Variants in PALM2AKAP2 observed in about 807,000 individuals in gnomAD.
The protein encoded by PALM2AKAP2 is PALM2 and AKAP2 fusion.
Under a neutral mutation model 71.5 loss-of-function variants are expected in PALM2AKAP2, and 37 were observed. The ratio of observed to expected loss-of-function variants is 0.52; its 90% CI spans 0.40 to 0.68. The LOEUF (loss-of-function observed/expected upper bound fraction) is 0.68. PALM2AKAP2 is among the 30% of genes least tolerant of loss of function. The pLI is 0.00. For synonymous variants in PALM2AKAP2, 468 were observed against 478.8 expected, an observed-to-expected ratio of 0.98 and a Z score of 0.29; for missense variants, 1,224 against 1,191.8, an observed-to-expected ratio of 1.03 and a Z score of -0.40.
chr9:109,681,223 A>G (rs1217554935), intron 1 of PALM2AKAP2, among the ~76,000 whole-genome samples: 1 of 152,216 alleles, frequency 6.6e-6, no homozygotes, highest in Non-Finnish European at 1.5e-5. Flanking sequence ...TTGAGGACAC[A>G]TTAACTGCCC....
At chr9:110,070,033 C>T (rs560930057) in intron 1 of PALM2AKAP2, among the ~76,000 whole-genome samples, 2 of 152,250 alleles carry the variant, frequency 1.3e-5, no homozygotes, top group Admixed American at 6.5e-5. Flanking sequence ...AGAGGGTTGG[C>T]GGCCATCCCC....
intron 6 of PALM2AKAP2, among the ~76,000 whole-genome samples, chr9:109,954,565 G>A (rs1411764862): frequency 3.4e-5 from 5 of 148,824 alleles, no homozygotes; most frequent in East Asian, 2.0e-4. Flanking sequence ...GCTAGATGAC[G>A]CGTTAGTGGG....
intron 1 of PALM2AKAP2, among the ~76,000 whole-genome samples, chr9:109,692,607 C>T (rs1827914918): frequency 6.6e-6 from 1 of 151,728 alleles, no homozygotes; most frequent in Admixed American, 6.6e-5. Flanking sequence ...TTGTAGTTTC[C>T]TTCAACTCTT....
intron 1 of PALM2AKAP2, among the ~76,000 whole-genome samples, chr9:109,656,025 A>G (rs1190812183): frequency 6.6e-6 from 1 of 152,264 alleles, no homozygotes; most frequent in Non-Finnish European, 1.5e-5. Flanking sequence ...AATGGACAGC[A>G]TCCCAGCCCT....
intron 1 of PALM2AKAP2, among the ~76,000 whole-genome samples, chr9:109,831,835 G>A (rs189914471): frequency 6.6e-6 from 1 of 150,602 alleles, no homozygotes; most frequent in Non-Finnish European, 1.5e-5. Context: ...CTTTTTTTTT[G>A]TTTATTTTGC....
intron 1 of PALM2AKAP2, among the ~76,000 whole-genome samples, chr9:109,763,254 G>A (rs1426279793): frequency 2.0e-5 from 3 of 152,080 alleles, no homozygotes; most frequent in Non-Finnish European, 4.4e-5. Context: ...GCCTCCTCCT[G>A]CCCACCATCC....
At chr9:109,782,162 C>T (rs1335164799) in intron 1 of PALM2AKAP2, among the ~76,000 whole-genome samples, 3 of 152,206 alleles carry the variant, frequency 2.0e-5, no homozygotes, top group Non-Finnish European at 2.9e-5. Flanking sequence ...CACTGGGGTA[C>T]CCTTTTCCAA....
exon 2 of PALM2AKAP2, chr9:110,138,369 T>A (rs1487302359): frequency 6.2e-7 from 1 of 1,614,068 alleles, no homozygotes; most frequent in African/African-American, 1.3e-5. Context: ...CCTTTCAAGC[T>A]GAGGTCCAGG....
intron 6 of PALM2AKAP2, among the ~76,000 whole-genome samples, chr9:109,960,850 C>A (rs1379121160): frequency 6.6e-6 from 1 of 152,198 alleles, no homozygotes; most frequent in Non-Finnish European, 1.5e-5. Context: ...GCAGCAGAAT[C>A]ATAGACAAAT....
chr9:109,871,948 A>G (rs1025782088), intron 2 of PALM2AKAP2, among the ~76,000 whole-genome samples: 1 of 152,162 alleles, frequency 6.6e-6, no homozygotes, highest in African/African-American at 2.4e-5. Context: ...TAGGAATATA[A>G]CTTTACTTTT....
At chr9:109,640,836 A>G in exon 1 of PALM2AKAP2, 1 of 1,516,674 alleles carries the variant, frequency 6.6e-7, no homozygotes, top group Non-Finnish European at 8.8e-7. Context: ...GCCCCGCAGC[A>G]GCGCACCCGG....
chr9:110,167,865 G>C (rs146052337), intron 3 of PALM2AKAP2, among the ~76,000 whole-genome samples: 1 of 152,128 alleles, frequency 6.6e-6, no homozygotes, highest in East Asian at 1.9e-4. Context: ...ACCATCTATA[G>C]TGTGCTGTCT....
At chr9:109,718,780 C>T (rs975613893) in intron 1 of PALM2AKAP2, among the ~76,000 whole-genome samples, 1 of 152,176 alleles carries the variant, frequency 6.6e-6, no homozygotes, top group Non-Finnish European at 1.5e-5. Context: ...AAATGCCCTA[C>T]TCAGGTTGAT....
intron 1 of PALM2AKAP2, chr9:109,760,765 C>G (rs533866067): frequency 6.6e-6 from 1 of 152,090 alleles, no homozygotes; most frequent in Non-Finnish European, 1.5e-5. Context: ...AATGAACTCA[C>G]GAAACAAGTA....
exon 4 of PALM2AKAP2, chr9:110,168,511 C>A: frequency 6.2e-7 from 1 of 1,613,528 alleles, no homozygotes; most frequent in Non-Finnish European, 8.5e-7. Flanking sequence ...TCCTTCAACC[C>A]AGGAAGCGTC....
At chr9:109,988,323 C>G (rs1376544120) in intron 6 of PALM2AKAP2, among the ~76,000 whole-genome samples, 2 of 151,932 alleles carry the variant, frequency 1.3e-5, no homozygotes, top group African/African-American at 4.8e-5. Flanking sequence ...AGTGTTTTAC[C>G]TACACTGAAT....
chr9:110,033,579 C>T (rs1833325790), intron 7 of PALM2AKAP2, among the ~76,000 whole-genome samples: 1 of 152,240 alleles, frequency 6.6e-6, no homozygotes, highest in Non-Finnish European at 1.5e-5. Flanking sequence ...AAGGTAAAGA[C>T]TTTATAAGGT....
At chr9:110,033,280 C>G (rs577767546) in intron 7 of PALM2AKAP2, among the ~76,000 whole-genome samples, 1 of 152,304 alleles carries the variant, frequency 6.6e-6, no homozygotes, top group African/African-American at 2.4e-5. Flanking sequence ...ATCTTTTTCT[C>G]TTTTAAATAA....
intron 7 of PALM2AKAP2, among the ~76,000 whole-genome samples, chr9:110,040,992 T>C (rs753055107): frequency 1.3e-5 from 2 of 152,240 alleles, no homozygotes; most frequent in Admixed American, 6.5e-5. Context: ...ATTTTTTAAA[T>C]GCTTCAGTTG....
Sources: allele counts gnomAD v4.1 joint callset (sites outside exome capture counted in the v4.1 genomes callset), GRCh38; gene constraint gnomAD v4.1.1; transcripts MANE v1.5; gene names NCBI Gene and HGNC (gene_info 2026-07-23, HGNC 2026-07-21).